PAMR1: variants seen among roughly 807,000 people sequenced by gnomAD.
PAMR1 encodes peptidase domain containing associated with muscle regeneration 1, also known as inactive serine protease PAMR1.
PAMR1 carries 88 observed loss-of-function variants against 81.8 expected under a neutral mutation model. That is an observed-to-expected ratio of 1.08 (90% CI 0.91 to 1.28). The LOEUF is 1.28. PAMR1 is among the 50% of genes most tolerant of loss of function. PAMR1 has a pLI of 0.00. For synonymous variants in PAMR1, 336 were observed against 345.3 expected (o/e 0.97, Z 0.30); for missense variants, 935 against 919.7 (o/e 1.02, Z -0.21).
chr11:35,443,596 T>C (rs958007432), intron 6 of PAMR1, among the ~76,000 whole-genome samples: 1 of 152,240 alleles, frequency 6.6e-6, no homozygotes, highest in African/African-American at 2.4e-5. Context: ...ACATTTTCTT[T>C]ATCCAGTCTA....
chr11:35,515,777 T>C (rs1477492133), intron 1 of PAMR1, among the ~76,000 whole-genome samples: 2 of 152,136 alleles, frequency 1.3e-5, no homozygotes, highest in Non-Finnish European at 2.9e-5. Context: ...TGGATGCATG[T>C]TAAAACCAAG....
intron 1 of PAMR1, among the ~76,000 whole-genome samples, chr11:35,522,143 C>G (rs1032005304): frequency 6.6e-6 from 1 of 152,068 alleles, no homozygotes; most frequent in Non-Finnish European, 1.5e-5. Flanking sequence ...AGGATGGCCT[C>G]GATCTCCTGA....
intron 3 of PAMR1, among the ~76,000 whole-genome samples, chr11:35,485,042 A>G (rs928759527): frequency 3.0e-4 from 45 of 152,156 alleles, no homozygotes; most frequent in Admixed American, 1.6e-3. Context: ...CCTAAATACA[A>G]TTTCCCACTA....
In PAMR1 at chr11:35,497,866, T is replaced by C. The variant is rs78935446; in HGVS notation, c.74-3594A>G. ...AACTCAATACAGCTTTCTTTTTTTATATATATAGCTTCTTTTTAACATAGA... is the reference window on the plus strand; with the variant it reads ...AACTCAATACAGCTTTCTTTTTTTACATATATAGCTTCTTTTTAACATAGA... On this transcript the variant is annotated intron_variant, in intron 1 of 10. Coordinates refer to ENST00000619888, the MANE Select transcript of PAMR1 (RefSeq NM_001001991.3). Among the ~76,000 whole-genome samples the C allele has an allele frequency of 0.017, 2,574 of 152,302 alleles. 161 individuals are homozygous for C. In the East Asian group the frequency reaches 0.19, roughly 11 times the overall value.
intron 1 of PAMR1, among the ~76,000 whole-genome samples, chr11:35,519,592 C>G (rs1181898994): frequency 6.6e-6 from 1 of 152,272 alleles, no homozygotes; most frequent in African/African-American, 2.4e-5. Context: ...ACTGGTTGGA[C>G]TTTTGGTCTG....
At chr11:35,433,194 G>A (rs1476322979) in intron 10 of PAMR1, among the ~76,000 whole-genome samples, 2 of 152,192 alleles carry the variant, frequency 1.3e-5, no homozygotes, top group African/African-American at 2.4e-5. Context: ...GCTGAAATGG[G>A]ACCAGCATTC....
intron 1 of PAMR1, among the ~76,000 whole-genome samples, chr11:35,509,894 C>T (rs1261097482): frequency 6.6e-6 from 1 of 152,168 alleles, no homozygotes; most frequent in African/African-American, 2.4e-5. Flanking sequence ...AAAGGCAAAG[C>T]CTTATGAAAG....
intron 8 of PAMR1, among the ~76,000 whole-genome samples, 190 bp downstream of exon 8, chr11:35,439,437 C>T (rs1856115991): frequency 1.3e-5 from 2 of 152,236 alleles, no homozygotes; most frequent in South Asian, 4.1e-4. Flanking sequence ...ACAGTTGCTA[C>T]CTCTTGGCTA....
At chr11:35,493,383 G>T (rs1362075051) in intron 2 of PAMR1, among the ~76,000 whole-genome samples, 1 of 152,020 alleles carries the variant, frequency 6.6e-6, no homozygotes, top group Non-Finnish European at 1.5e-5. Flanking sequence ...CCTTCAGATT[G>T]CTCTCTCTTA....
chr11:35,518,779 T>C (rs190535317), intron 1 of PAMR1, among the ~76,000 whole-genome samples: 5 of 152,210 alleles, frequency 3.3e-5, no homozygotes, highest in Admixed American at 1.3e-4. Context: ...ACATCCCCTC[T>C]CCATCCAGTG....
chr11:35,498,840 T>C (rs1850776204), intron 1 of PAMR1, among the ~76,000 whole-genome samples: 1 of 152,204 alleles, frequency 6.6e-6, no homozygotes. Context: ...AGGTCCTCCC[T>C]GGCCTTCCCC....
chr11:35,475,604 G>A (rs1850271382), intron 3 of PAMR1, among the ~76,000 whole-genome samples: 1 of 152,162 alleles, frequency 6.6e-6, no homozygotes, highest in Non-Finnish European at 1.5e-5. Context: ...CAAAAGTTTG[G>A]GGAAAATGTC....
chr11:35,496,444 T>C (rs1472051037), intron 1 of PAMR1, among the ~76,000 whole-genome samples: 1 of 152,204 alleles, frequency 6.6e-6, no homozygotes, highest in Non-Finnish European at 1.5e-5. Context: ...GTTTTTTAAA[T>C]GAGCAAATGA....
intron 6 of PAMR1, among the ~76,000 whole-genome samples, chr11:35,443,259 A>G (rs1472022534): frequency 1.3e-5 from 2 of 151,508 alleles, no homozygotes; most frequent in Non-Finnish European, 2.9e-5. Flanking sequence ...GGTTTCTTAC[A>G]TAGGTAAACG....
rs759356007 is a variant in PAMR1, at chr11:35,439,693, G to C, written c.1034C>G (p.Ala345Gly). 3 of 1,612,536 alleles carry C rather than the reference G, an allele frequency of 1.9e-6. No homozygotes were observed. Among genetic ancestry groups the C allele is most frequent in the Non-Finnish European group, 2.5e-6 (3 of 1,178,558 alleles). ...GTCTGAAATCTTTGGTTCTCGGCAG[G>C]CTAGAAATAAAAAAGACAATGCTGC... ...WSGKQPICIK[A>G]CREPKISDLV... Residue 345 changes from alanine (A) to glycine (G), a missense_variant and splice_region_variant, in exon 8 of 11, where the codon GCC (alanine) becomes GGC (glycine). Physicochemically the swap from Ala to Gly is moderately conservative, Grantham distance 60. Transcript: ENST00000619888.
At chr11:35,433,438 T>G (rs939419188) in intron 10 of PAMR1, among the ~76,000 whole-genome samples, 1 of 152,228 alleles carries the variant, frequency 6.6e-6, no homozygotes, top group Non-Finnish European at 1.5e-5. Flanking sequence ...AAGTCTTCCC[T>G]GATTTTCCCA....
At chr11:35,523,496 G>T (rs1237809756) in intron 1 of PAMR1, among the ~76,000 whole-genome samples, 4 of 152,146 alleles carry the variant, frequency 2.6e-5, no homozygotes, top group African/African-American at 9.7e-5. Context: ...TTATCGCTTG[G>T]CCTCATGTTT....
intron 6 of PAMR1, among the ~76,000 whole-genome samples, chr11:35,444,325 C>T (rs1338556494): frequency 1.3e-5 from 2 of 152,146 alleles, no homozygotes; most frequent in African/African-American, 4.8e-5. Flanking sequence ...GTTTATTTTG[C>T]TGTGCAGAAG....
upstream of PAMR1, chr11:35,530,110 T>C (rs545418811): frequency 3.7e-4 from 56 of 152,314 alleles, no homozygotes; most frequent in African/African-American, 1.3e-3. Context: ...GTAGAACTGG[T>C]CTGCAAACCT....
Sources: gnomAD v4.1 joint callset for allele counts (sites outside exome capture counted in the v4.1 genomes callset) on GRCh38, gnomAD v4.1.1 for gene constraint, MANE v1.5 for transcripts, NCBI Gene and HGNC (gene_info 2026-07-23, HGNC 2026-07-21) for gene names.